CDH12: variants seen among roughly 807,000 people sequenced by gnomAD.
The protein encoded by CDH12 is cadherin-12.
A neutral mutation model predicts 74.1 loss-of-function variants in CDH12; 41 were observed. The observed-to-expected ratio is 0.55, with a 90% CI of 0.43 to 0.72. The LOEUF is 0.72. Among genes scored for constraint, CDH12 ranks in the 30% least tolerant of loss-of-function variants. CDH12 has a pLI of 0.00. For synonymous variants in CDH12, 399 were observed against 355.0 expected (o/e 1.12, Z -1.39); for missense variants, 945 against 977.2 (o/e 0.97, Z 0.44).
At position 21,988,354 on chromosome 5, in the gene CDH12, T is replaced by C. The variant is rs181718830; in HGVS notation, c.232-12969A>G. ...TAAAAATACAAAAATTAGCCAGGTG[T>C]GGTGACGGACGCCTGTAGTCCCAGC... On this transcript the variant is annotated intron_variant, in intron 5 of 14. Coordinates refer to ENST00000382254, the MANE Select transcript of CDH12 (RefSeq NM_004061.5). Among the ~76,000 whole-genome samples the C allele has an allele frequency of 7.9e-5, 12 of 151,930 alleles. No homozygotes were observed. In the East Asian group the frequency reaches 2.3e-3, roughly 30 times the overall value.
intron 3 of CDH12, among the ~76,000 whole-genome samples, chr5:22,263,233 T>G: frequency 6.6e-6 from 1 of 152,122 alleles, no homozygotes. Flanking sequence ...AGAAAAAGCT[T>G]GAGTGTTTCA....
At chr5:22,244,800 G>GAAAGAAAGAAAGAAAGAA (rs1554023741) in intron 3 of CDH12, among the ~76,000 whole-genome samples, 8 of 76,904 alleles carry the variant, frequency 1.0e-4, no homozygotes, top group Non-Finnish European at 1.8e-4. Flanking sequence ...AAGAAAGAAA[G>GAAAGAAAGAAAGAAAGAA]AAAAATTCAA....
chr5:22,831,855 C>A (rs1736628763), intron 1 of CDH12, among the ~76,000 whole-genome samples: 1 of 152,032 alleles, frequency 6.6e-6, no homozygotes, highest in Non-Finnish European at 1.5e-5. Context: ...CGAGATTGCA[C>A]CACCGCACTC....
intron 1 of CDH12, among the ~76,000 whole-genome samples, chr5:22,635,297 A>G (rs1190721444): frequency 1.3e-5 from 2 of 152,142 alleles, no homozygotes; most frequent in African/African-American, 4.8e-5. Context: ...CACACATGCA[A>G]AAGAATGAAG....
chr5:22,822,236 A>G (rs186202882), intron 1 of CDH12, among the ~76,000 whole-genome samples: 1 of 152,278 alleles, frequency 6.6e-6, no homozygotes, highest in East Asian at 1.9e-4. Context: ...TTAATTCAAG[A>G]TGGATTAAAG....
At chr5:22,555,939 A>T (rs1738784691) in intron 1 of CDH12, among the ~76,000 whole-genome samples, 1 of 152,042 alleles carries the variant, frequency 6.6e-6, no homozygotes, top group Non-Finnish European at 1.5e-5. Context: ...GAAGACACAG[A>T]TATATTAGAT....
At chr5:21,978,817 C>T (rs1308212143) in intron 5 of CDH12, among the ~76,000 whole-genome samples, 1 of 152,022 alleles carries the variant, frequency 6.6e-6, no homozygotes, top group East Asian at 1.9e-4. Context: ...AAAAAGGCAA[C>T]TGTCAAGACT....
chr5:21,813,530 T>G (rs749361571), intron 9 of CDH12, among the ~76,000 whole-genome samples: 36 of 152,052 alleles, frequency 2.4e-4, no homozygotes, highest in Non-Finnish European at 4.4e-4. Flanking sequence ...GTGATCTAGA[T>G]CTACACTCAC....
At chr5:22,355,116 T>C (rs1261954896) in intron 3 of CDH12, among the ~76,000 whole-genome samples, 1 of 152,178 alleles carries the variant, frequency 6.6e-6, no homozygotes, top group Non-Finnish European at 1.5e-5. Flanking sequence ...TGAATATGAT[T>C]AATTTCATTT....
chr5:22,783,145 C>A (rs1390674479), intron 1 of CDH12, among the ~76,000 whole-genome samples: 1 of 152,030 alleles, frequency 6.6e-6, no homozygotes, highest in African/African-American at 2.4e-5. Context: ...GCTTTTAGGA[C>A]CTAGGCTCAA....
chr5:22,324,863 C>T (rs1276633314), intron 3 of CDH12, among the ~76,000 whole-genome samples: 2 of 152,030 alleles, frequency 1.3e-5, no homozygotes, highest in East Asian at 3.9e-4. Context: ...TATAATAGTT[C>T]ACAGGAAAAT....
intron 1 of CDH12, among the ~76,000 whole-genome samples, chr5:22,763,499 T>C (rs1746332792): frequency 6.6e-6 from 1 of 151,964 alleles, no homozygotes; most frequent in Non-Finnish European, 1.5e-5. Context: ...GAAAGCAAAT[T>C]CCTACAAACA....
chr5:22,052,588 A>G (rs1740451520), intron 5 of CDH12, among the ~76,000 whole-genome samples: 1 of 152,106 alleles, frequency 6.6e-6, no homozygotes, highest in Non-Finnish European at 1.5e-5. Context: ...CAAGAAATGG[A>G]CACATTTTAC....
At chr5:22,283,791 ACT>A (rs1002689475) in intron 3 of CDH12, among the ~76,000 whole-genome samples, 20 of 152,214 alleles carry the variant, frequency 1.3e-4, no homozygotes, top group Admixed American at 1.2e-3. Context: ...AGAAAACATA[ACT>A]CTGCAAGGCG....
chr5:22,036,325 G>A (rs141540437), intron 5 of CDH12, among the ~76,000 whole-genome samples: 51 of 152,242 alleles, frequency 3.3e-4, no homozygotes, highest in African/African-American at 1.2e-3. Context: ...CTCATCTAGG[G>A]ACTATAGACA....
intron 3 of CDH12, among the ~76,000 whole-genome samples, chr5:22,389,221 A>T (rs762670222): frequency 6.6e-6 from 1 of 152,184 alleles, no homozygotes; most frequent in Non-Finnish European, 1.5e-5. Context: ...TTTGGGGTGG[A>T]CTTAATATTT....
intron 1 of CDH12, among the ~76,000 whole-genome samples, chr5:22,528,905 C>T (rs188603670): frequency 1.1e-4 from 16 of 151,820 alleles, no homozygotes; most frequent in Non-Finnish European, 2.1e-4. Context: ...ATTCTAGAAA[C>T]CCAGAACCAA....
At chr5:22,219,136 T>C (rs1751924698) in intron 3 of CDH12, among the ~76,000 whole-genome samples, 1 of 151,710 alleles carries the variant, frequency 6.6e-6, no homozygotes, top group African/African-American at 2.4e-5. Flanking sequence ...CTCCATAATG[T>C]GTATGGAAAT....
chr5:22,800,917 G>C (rs1235264453), intron 1 of CDH12, among the ~76,000 whole-genome samples: 1 of 151,780 alleles, frequency 6.6e-6, no homozygotes, highest in Middle Eastern at 3.2e-3. Context: ...TTGTCTGATT[G>C]TACTATAGTT....
Sources: allele counts gnomAD v4.1 joint callset (sites outside exome capture counted in the v4.1 genomes callset), GRCh38; gene constraint gnomAD v4.1.1; transcripts MANE v1.5; gene names NCBI Gene and HGNC (gene_info 2026-07-23, HGNC 2026-07-21).